The following MMP20 variants were observed in gnomAD, a reference collection of about 807,000 sequenced individuals.
MMP20 encodes the protein matrix metalloproteinase-20.
In MMP20, 50 loss-of-function variants were observed where a neutral mutation model predicts 51.8. The observed-to-expected ratio is 0.97, with a 90% CI of 0.77 to 1.22. MMP20 has a LOEUF of 1.22. MMP20 is among the 50% of genes most tolerant of loss of function. MMP20 has a pLI of 0.00. For missense variants in MMP20, 663 were observed against 601.4 expected, an observed-to-expected ratio of 1.10 and a Z score of -1.07; for synonymous variants, 244 against 216.2, an observed-to-expected ratio of 1.13 and a Z score of -1.13.
At chr11:102,580,910 G>C (rs1422718649) in intron 8 of MMP20, among the ~76,000 whole-genome samples, 1 of 152,160 alleles carries the variant, frequency 6.6e-6, no homozygotes, top group Non-Finnish European at 1.5e-5. Context: ...ATATTGTGCT[G>C]TCCTTATTTA....
At chr11:102,577,771 C>T (rs1046206436) in intron 9 of MMP20, among the ~76,000 whole-genome samples, 1 of 152,244 alleles carries the variant, frequency 6.6e-6, no homozygotes, top group Non-Finnish European at 1.5e-5. Flanking sequence ...CTTCAAAACC[C>T]ATCTGAAGTC....
At chr11:102,596,472 T>C (rs998913954) in intron 6 of MMP20, among the ~76,000 whole-genome samples, 5 of 152,170 alleles carry the variant, frequency 3.3e-5, no homozygotes, top group African/African-American at 1.2e-4. Context: ...AATGAGATAA[T>C]GAATATGAAA....
At chr11:102,596,122 G>C (rs768661448) in intron 6 of MMP20, among the ~76,000 whole-genome samples, 1 of 152,174 alleles carries the variant, frequency 6.6e-6, no homozygotes, top group Non-Finnish European at 1.5e-5. Context: ...GATTAGTAAC[G>C]ATCAGAGTGA....
intron 6 of MMP20, 132 bp downstream of exon 6, chr11:102,606,403 C>G: frequency 8.2e-7 from 1 of 1,226,398 alleles, no homozygotes; most frequent in Admixed American, 2.0e-5. Context: ...CCCTGCCTAC[C>G]ACCCTTCTGC....
chr11:102,608,657 A>G (rs1254055957), intron 5 of MMP20, among the ~76,000 whole-genome samples: 1 of 150,978 alleles, frequency 6.6e-6, no homozygotes, highest in African/African-American at 2.4e-5. Flanking sequence ...CCCAATGTGT[A>G]AATTCTAACC....
At chr11:102,621,155 G>GTACAAT (rs2135949344) in intron 1 of MMP20, among the ~76,000 whole-genome samples, 1 of 152,330 alleles carries the variant, frequency 6.6e-6, no homozygotes, top group Non-Finnish European at 1.5e-5. Context: ...GAGGACTCCT[G>GTACAAT]TACAATGTCA....
chr11:102,609,371 G>A (rs775253353), intron 4 of MMP20, among the ~76,000 whole-genome samples: 1 of 152,152 alleles, frequency 6.6e-6, no homozygotes, highest in Non-Finnish European at 1.5e-5. Context: ...GACTGATAAA[G>A]CAGAGCCTTG....
intron 7 of MMP20, 131 bp downstream of exon 7, chr11:102,594,490 C>G: frequency 8.2e-7 from 1 of 1,222,032 alleles, no homozygotes; most frequent in South Asian, 1.3e-5. Context: ...CATTTCATAC[C>G]CAACCTGAGG....
intron 1 of MMP20, among the ~76,000 whole-genome samples, chr11:102,619,186 T>G (rs185426949): frequency 6.6e-6 from 1 of 152,148 alleles, no homozygotes; most frequent in Non-Finnish European, 1.5e-5. Flanking sequence ...TCTGTGCAAG[T>G]TGATGCTGTG....
rs587777516 is a variant in MMP20 at position 102,625,218 on chromosome 11, C to T, written c.102G>A (p.Trp34Ter). ...PSLVAASPRT[W>*]RNNYRLAQAY... is the part of the protein sequence containing the mutation. Reference sequence around the variant, plus strand: ...CCTGTGCGAGGCGGTAGTTGTTCCTCCAGGTCCTGGGGGAGGCTGCAACTA... The same window carrying T: ...CCTGTGCGAGGCGGTAGTTGTTCCTTCAGGTCCTGGGGGAGGCTGCAACTA... Residue 34 changes from tryptophan (W) to a stop codon, truncating the protein, a stop_gained, in exon 1 of 10, where the codon TGG (tryptophan) becomes TGA (stop). Coordinates refer to ENST00000260228, the MANE Select transcript of MMP20 (RefSeq NM_004771.4). LOFTEE classifies it high-confidence loss of function. 5.6e-6 allele frequency: 9 copies of T among 1,613,798 alleles called. No homozygotes were observed. The East Asian group carries it at 1.6e-4, about 28-fold the overall frequency.
intron 1 of MMP20, among the ~76,000 whole-genome samples, chr11:102,618,014 G>A (rs1313752657): frequency 2.0e-5 from 3 of 152,084 alleles, no homozygotes; most frequent in Non-Finnish European, 2.9e-5. Context: ...GATATAAAAT[G>A]GCATAATATT....
intron 6 of MMP20, among the ~76,000 whole-genome samples, chr11:102,598,638 T>C (rs1304137981): frequency 2.6e-5 from 4 of 152,252 alleles, no homozygotes; most frequent in African/African-American, 9.6e-5. Flanking sequence ...ATTTGGTCTC[T>C]GATAACTTTC....
chr11:102,611,624 G>T, intron 3 of MMP20, 131 bp downstream of exon 3: 1 of 1,099,232 alleles, frequency 9.1e-7, no homozygotes, highest in Non-Finnish European at 1.3e-6. Flanking sequence ...CTTTGCCATG[G>T]TCTTGGCCTT....
At position 102,594,759 on chromosome 11, in the gene MMP20, T is replaced by A. The variant is rs140213840; in HGVS notation, c.954-2A>T. The A allele has an allele frequency of 2.2e-3, 3,338 of 1,550,600 alleles. 5 individuals are homozygous for A. Among genetic ancestry groups the A allele is most frequent in the Non-Finnish European group, 2.6e-3 (3,048 of 1,157,050 alleles). On this transcript the variant is annotated splice_acceptor_variant, in intron 6 of 9. Coordinates refer to ENST00000260228, the MANE Select transcript of MMP20 (RefSeq NM_004771.4). LOFTEE classifies it high-confidence loss of function. ...TGAACCTGCCGTCTCCAGAAAATCCTATGGGACATTCCAAAAAAAAAAAAA... is the reference window on the plus strand; with the variant it reads ...TGAACCTGCCGTCTCCAGAAAATCCAATGGGACATTCCAAAAAAAAAAAAA...
intron 6 of MMP20, among the ~76,000 whole-genome samples, chr11:102,597,173 TC>T (rs1591613970): frequency 6.6e-6 from 1 of 152,310 alleles, no homozygotes. Flanking sequence ...GTAGTAGACT[TC>T]CAGCTGCTTT....
chr11:102,614,459 A>G (rs1427623680), intron 2 of MMP20, among the ~76,000 whole-genome samples: 1 of 152,230 alleles, frequency 6.6e-6, no homozygotes, highest in East Asian at 1.9e-4. Flanking sequence ...GCATCACATT[A>G]TCTTGACCCA....
In MMP20 at chr11:102,617,041, A is replaced by G. The variant is rs1366043765; in HGVS notation, c.145T>C (p.Tyr49His). Residue 49 changes from tyrosine to histidine, a missense_variant, in exon 2 of 10, where the codon TAC (tyrosine) becomes CAC (histidine). Physicochemically the swap from Tyr to His is moderately conservative, Grantham distance 83. Transcript: ENST00000260228. Reference sequence around the variant, plus strand: ...ATCTGGTGTCCTTCTTTATTTGTGTAATATTTGTCAAGATACGCCTGAAAT... The same window carrying G: ...ATCTGGTGTCCTTCTTTATTTGTGTGATATTTGTCAAGATACGCCTGAAAT... ...RLAQAYLDKY[Y>H]TNKEGHQIGE... 7 of 1,614,142 alleles carry G rather than the reference A, an allele frequency of 4.3e-6. No homozygotes were observed. The highest frequency in any genetic ancestry group is 5.1e-6 in the Non-Finnish European group (6 of 1,180,028).
intron 8 of MMP20, among the ~76,000 whole-genome samples, chr11:102,581,789 T>A (rs761325086): frequency 1.3e-5 from 2 of 152,100 alleles, no homozygotes; most frequent in Non-Finnish European, 2.9e-5. Context: ...AATGAGAGAA[T>A]ATGAGAAAAC....
chr11:102,596,167 G>A (rs1029781815), intron 6 of MMP20, among the ~76,000 whole-genome samples: 1 of 152,196 alleles, frequency 6.6e-6, no homozygotes, highest in Non-Finnish European at 1.5e-5. Context: ...AGGATACTTT[G>A]AGAACACACA....
Sources: allele counts gnomAD v4.1 joint callset (sites outside exome capture counted in the v4.1 genomes callset), GRCh38; gene constraint gnomAD v4.1.1; transcripts MANE v1.5; gene names NCBI Gene and HGNC (gene_info 2026-07-23, HGNC 2026-07-21).